The following RALA variants were observed in gnomAD, a reference collection of about 807,000 sequenced individuals.
RALA encodes the protein ras-related protein Ral-A.
Under a neutral mutation model 24.0 loss-of-function variants are expected in RALA, and 5 were observed. The observed-to-expected ratio is 0.21, with a 90% CI of 0.11 to 0.44. The LOEUF is 0.44. Among genes scored for constraint, RALA ranks in the 20% least tolerant of loss-of-function variants. The pLI, the probability that RALA is intolerant of heterozygous loss-of-function variation, is 0.99. For synonymous variants in RALA, 77 were observed against 83.8 expected, an observed-to-expected ratio of 0.92 and a Z score of 0.44; for missense variants, 95 against 241.2, an observed-to-expected ratio of 0.39 and a Z score of 4.01.
intron 1 of RALA, among the ~76,000 whole-genome samples, chr7:39,639,377 T>TAC (rs1791741164): frequency 2.0e-5 from 3 of 152,200 alleles, no homozygotes; most frequent in Admixed American, 2.0e-4. Flanking sequence ...GTGAAAATTG[T>TAC]AAGGAGAACT....
chr7:39,669,644 T>A (rs538371556), intron 1 of RALA, among the ~76,000 whole-genome samples: 2 of 152,034 alleles, frequency 1.3e-5, no homozygotes, highest in Non-Finnish European at 2.9e-5. Context: ...AGACCCTGTC[T>A]GTACAAAAAA....
At chr7:39,678,966 TA>T (rs955485767) in intron 1 of RALA, among the ~76,000 whole-genome samples, 5 of 151,482 alleles carry the variant, frequency 3.3e-5, no homozygotes, top group East Asian at 1.9e-4. Flanking sequence ...GTTACCATTT[TA>T]AAAAAAAATC....
intron 1 of RALA, among the ~76,000 whole-genome samples, chr7:39,672,614 A>G (rs1792408934): frequency 6.6e-6 from 1 of 151,250 alleles, no homozygotes; most frequent in Non-Finnish European, 1.5e-5. Flanking sequence ...AACATAAATC[A>G]TGATACATCC....
intron 4 of RALA, among the ~76,000 whole-genome samples, chr7:39,701,609 C>T (rs1793028597): frequency 6.6e-6 from 1 of 152,206 alleles, no homozygotes; most frequent in African/African-American, 2.4e-5. Context: ...TCAGGAATAG[C>T]AAGTGTTATT....
intron 1 of RALA, among the ~76,000 whole-genome samples, chr7:39,661,032 A>G (rs890452297): frequency 1.3e-5 from 2 of 152,212 alleles, no homozygotes; most frequent in African/African-American, 4.8e-5. Context: ...GGTGAAAGGC[A>G]TGTCTTACAT....
chr7:39,627,880 T>C (rs1416934855), intron 1 of RALA, among the ~76,000 whole-genome samples: 1 of 152,230 alleles, frequency 6.6e-6, no homozygotes, highest in Non-Finnish European at 1.5e-5. Flanking sequence ...TGCCCATTAA[T>C]AAAATTCAAA....
At chr7:39,695,056 C>T (rs1031806857) in intron 3 of RALA, among the ~76,000 whole-genome samples, 19 of 149,248 alleles carry the variant, frequency 1.3e-4, no homozygotes, top group Non-Finnish European at 2.7e-4. Flanking sequence ...AAGACCCTGT[C>T]TCAAAAAAAA....
chr7:39,655,040 C>T (rs142639110), intron 1 of RALA, among the ~76,000 whole-genome samples: 5 of 152,352 alleles, frequency 3.3e-5, no homozygotes, highest in East Asian at 1.9e-4. Context: ...TGAGCCACCA[C>T]GCCCAGCCTC....
intron 1 of RALA, among the ~76,000 whole-genome samples, chr7:39,646,501 G>A (rs1791925170): frequency 6.6e-6 from 1 of 151,994 alleles, no homozygotes; most frequent in Non-Finnish European, 1.5e-5. Context: ...GCACACATCT[G>A]TGGTCCCAGC....
intron 3 of RALA, among the ~76,000 whole-genome samples, chr7:39,691,000 G>A (rs967302567): frequency 1.3e-5 from 2 of 152,116 alleles, no homozygotes; most frequent in Non-Finnish European, 2.9e-5. Flanking sequence ...CAGTAGGCAC[G>A]TTGCCATCCT....
At chr7:39,641,095 G>A (rs924567145) in intron 1 of RALA, among the ~76,000 whole-genome samples, 2 of 152,144 alleles carry the variant, frequency 1.3e-5, no homozygotes, top group Non-Finnish European at 2.9e-5. Flanking sequence ...GTGGGAAGTA[G>A]CACATCCTAA....
intron 4 of RALA, among the ~76,000 whole-genome samples, chr7:39,704,464 T>G (rs1245054781): frequency 2.6e-5 from 4 of 151,148 alleles, no homozygotes; most frequent in African/African-American, 9.7e-5. Flanking sequence ...ATTACAGGCA[T>G]ACGCCACCAC....
chr7:39,646,388 A>G (rs1394621392), intron 1 of RALA, among the ~76,000 whole-genome samples: 1 of 152,154 alleles, frequency 6.6e-6, no homozygotes, highest in Non-Finnish European at 1.5e-5. Flanking sequence ...TAATCTTAGC[A>G]CTTTGGGAGT....
chr7:39,637,836 C>T (rs1180371473), intron 1 of RALA, among the ~76,000 whole-genome samples: 1 of 152,172 alleles, frequency 6.6e-6, no homozygotes, highest in African/African-American at 2.4e-5. Flanking sequence ...GCCACATTTG[C>T]TTTTTCTGAG....
chr7:39,642,788 A>G (rs1382358269), intron 1 of RALA, among the ~76,000 whole-genome samples: 1 of 152,250 alleles, frequency 6.6e-6, no homozygotes, highest in Non-Finnish European at 1.5e-5. Context: ...TAAATAGCGC[A>G]TCTGTTGACA....
chr7:39,697,874 A>G (rs955509370), intron 4 of RALA, among the ~76,000 whole-genome samples: 25 of 152,128 alleles, frequency 1.6e-4, no homozygotes, highest in Non-Finnish European at 2.5e-4. Context: ...TTTAGGTCTA[A>G]GATATCTGTA....
chr7:39,674,360 A>AT (rs1037711648), intron 1 of RALA, among the ~76,000 whole-genome samples: 1 of 152,046 alleles, frequency 6.6e-6, no homozygotes, highest in Non-Finnish European at 1.5e-5. Flanking sequence ...TACTCATATG[A>AT]TTTTTTTCAT....
At chr7:39,630,961 A>C (rs1046938466) in intron 1 of RALA, among the ~76,000 whole-genome samples, 1 of 150,098 alleles carries the variant, frequency 6.7e-6, no homozygotes, top group Non-Finnish European at 1.5e-5. Context: ...GAATTTTAGC[A>C]TCAATTTGTC....
intron 1 of RALA, chr7:39,624,470 G>A (rs1791444883): frequency 6.6e-6 from 1 of 152,248 alleles, no homozygotes; most frequent in Admixed American, 6.5e-5. Context: ...CATTTTGGGA[G>A]AGAGGTGTTT....
Sources: allele counts gnomAD v4.1 joint callset (sites outside exome capture counted in the v4.1 genomes callset), GRCh38; gene constraint gnomAD v4.1.1; transcripts MANE v1.5; gene names NCBI Gene and HGNC (gene_info 2026-07-23, HGNC 2026-07-21).